The following NPR3 variants were observed in gnomAD, a reference collection of about 807,000 sequenced individuals.
NPR3 encodes the protein natriuretic peptide receptor 3, also known as atrial natriuretic peptide receptor 3.
In NPR3, 34 loss-of-function variants were observed where a neutral mutation model predicts 54.5. The observed-to-expected ratio is 0.62, with a 90% CI of 0.47 to 0.83. The LOEUF (loss-of-function observed/expected upper bound fraction) is 0.83. Among genes scored for constraint, NPR3 ranks in the 40% least tolerant of loss-of-function variants. NPR3 has a pLI of 0.00. For missense variants in NPR3, 674 were observed against 720.8 expected (o/e 0.94, Z 0.74); for synonymous variants, 289 against 297.1 (o/e 0.97, Z 0.28).
At chr5:32,784,177 G>C (rs113791096) in intron 6 of NPR3, among the ~76,000 whole-genome samples, 2,253 of 152,170 alleles carry the variant, frequency 0.015, 59 homozygotes, top group African/African-American at 0.052. Flanking sequence ...TGGTCCATCT[G>C]GTTGTCTTCT....
intron 1 of NPR3, among the ~76,000 whole-genome samples, chr5:32,704,141 T>G (rs904973978): frequency 3.9e-5 from 6 of 152,152 alleles, no homozygotes; most frequent in Admixed American, 6.5e-5. Flanking sequence ...AAGGCAGCAC[T>G]GGGTCCCAGT....
chr5:32,758,958 G>T (rs373821435), intron 3 of NPR3, among the ~76,000 whole-genome samples: 1 of 152,116 alleles, frequency 6.6e-6, no homozygotes, highest in African/African-American at 2.4e-5. Flanking sequence ...ATTGCACTGT[G>T]GTCCGAGAGA....
At chr5:32,692,976 A>G (rs1287181728) in intron 1 of NPR3, among the ~76,000 whole-genome samples, 2 of 152,176 alleles carry the variant, frequency 1.3e-5, no homozygotes, top group Non-Finnish European at 2.9e-5. Flanking sequence ...TAAAAAAATT[A>G]GCCAGGCATG....
At chr5:32,768,864 G>T (rs562176450) in intron 3 of NPR3, among the ~76,000 whole-genome samples, 1 of 152,228 alleles carries the variant, frequency 6.6e-6, no homozygotes. Flanking sequence ...GGGGGAGCAA[G>T]AAGTATGCCA....
At chr5:32,754,356 T>C (rs1462666632) in intron 3 of NPR3, among the ~76,000 whole-genome samples, 1 of 152,070 alleles carries the variant, frequency 6.6e-6, no homozygotes, top group Non-Finnish European at 1.5e-5. Context: ...GGTTTTTTTT[T>C]TCTTTTTTTA....
chr5:32,778,347 A>G (rs1742174949), intron 4 of NPR3, among the ~76,000 whole-genome samples: 1 of 152,220 alleles, frequency 6.6e-6, no homozygotes, highest in African/African-American at 2.4e-5. Flanking sequence ...GGGTAGGCCT[A>G]AAAAGGTCTC....
intron 2 of NPR3, among the ~76,000 whole-genome samples, chr5:32,732,036 T>C (rs1233840941): frequency 1.3e-5 from 2 of 151,600 alleles, no homozygotes; most frequent in East Asian, 1.9e-4. Flanking sequence ...GGTCAGGAGA[T>C]CGAGACCATC....
In NPR3 at chr5:32,712,095, G is replaced by C; in HGVS notation, c.319G>C (p.Asp107His). ...CTTCCAGGTGGCTTACGAGGATTCA[G>C]ACTGTGGGAACCGTGCGCTCTTCAG... is the stretch of plus-strand genomic sequence containing the variant. ...TRFQVAYEDS[D>H]CGNRALFSLV... The change falls in exon 1 of 8, where the codon GAC becomes CAC. Residue 107 changes from aspartate (D) to histidine (H), a missense_variant. Transcript: ENST00000265074. 6.2e-7 allele frequency: 1 copy of C among 1,613,832 alleles called. No homozygotes were observed. The highest frequency in any genetic ancestry group is 8.5e-7 in the Non-Finnish European group (1 of 1,179,814).
intron 2 of NPR3, among the ~76,000 whole-genome samples, chr5:32,728,835 G>GTACATATA (rs1226669792): frequency 1.6e-5 from 1 of 60,634 alleles, no homozygotes; most frequent in Non-Finnish European, 3.1e-5. Flanking sequence ...GTGTGTGTGT[G>GTACATATA]TGTATATATA....
intron 1 of NPR3, among the ~76,000 whole-genome samples, chr5:32,715,222 T>G (rs1057055706): frequency 2.6e-5 from 4 of 152,234 alleles, no homozygotes; most frequent in African/African-American, 4.8e-5. Context: ...CTCTTCAAAC[T>G]GATATTCTCA....
At chr5:32,712,575 C>G in intron 1 of NPR3, 30 bp downstream of exon 1, 1 of 1,497,214 alleles carries the variant, frequency 6.7e-7, no homozygotes, top group Non-Finnish European at 8.9e-7. Context: ...GGGCCCCGGG[C>G]CCTAACCCAA....
chr5:32,694,686 T>C (rs1383960556), intron 1 of NPR3, among the ~76,000 whole-genome samples: 4 of 152,242 alleles, frequency 2.6e-5, no homozygotes, highest in East Asian at 1.9e-4. Context: ...CATTTATCCC[T>C]TTGTTTTATT....
chr5:32,786,448 A>G lies in NPR3; in HGVS notation c.*103A>G. 1 of 652,098 alleles carries G rather than the reference A, an allele frequency of 1.5e-6. No individual in the cohort carries two copies. The highest frequency in any genetic ancestry group is 2.7e-6 in the Non-Finnish European group (1 of 365,196). 40.4% of individuals were successfully genotyped at this position (652,098 alleles called of 1,614,324 possible). The stretch of plus-strand genomic sequence containing the variant: ...GAAGGGGCGTTCTTGAAGAATTCAT[A>G]ATTTTAAGCAGTTAGTAATTTCATT... On this transcript the variant is annotated 3_prime_UTR_variant, in exon 8 of 8. Transcript: ENST00000265074.
At chr5:32,782,802 T>C (rs922772003) in intron 5 of NPR3, 91 bp from the exon 6 acceptor site, 11 of 1,261,292 alleles carry the variant, frequency 8.7e-6, no homozygotes, top group Admixed American at 2.6e-5. Flanking sequence ...TAGATCAGGC[T>C]GTACATTTTG....
At chr5:32,752,134 G>T (rs1308645881) in intron 3 of NPR3, among the ~76,000 whole-genome samples, 7 of 152,136 alleles carry the variant, frequency 4.6e-5, no homozygotes, top group African/African-American at 1.7e-4. Flanking sequence ...AACCCAGGAG[G>T]TGGAGGTTGC....
intron 1 of NPR3, among the ~76,000 whole-genome samples, chr5:32,698,642 T>G (rs990608337): frequency 6.6e-6 from 1 of 152,224 alleles, no homozygotes; most frequent in African/African-American, 2.4e-5. Flanking sequence ...CTTTGCTTTA[T>G]ACATCTGGGT....
intron 2 of NPR3, among the ~76,000 whole-genome samples, chr5:32,734,348 A>G (rs555386152): frequency 1.5e-4 from 23 of 152,296 alleles, no homozygotes; most frequent in African/African-American, 5.1e-4. Context: ...TTCAGGTGAT[A>G]TATATTGAAA....
intron 3 of NPR3, among the ~76,000 whole-genome samples, chr5:32,748,747 T>C (rs2111975618): frequency 6.6e-6 from 1 of 152,228 alleles, no homozygotes; most frequent in South Asian, 2.1e-4. Flanking sequence ...GGGAATGAAA[T>C]AGGCAGACAA....
chr5:32,754,723 A>G (rs371123144), intron 3 of NPR3, among the ~76,000 whole-genome samples: 61 of 152,254 alleles, frequency 4.0e-4, no homozygotes, highest in African/African-American at 1.4e-3. Flanking sequence ...TATTTTTTGT[A>G]TAATAAACAA....
Sources: allele counts gnomAD v4.1 joint callset (sites outside exome capture counted in the v4.1 genomes callset), GRCh38; gene constraint gnomAD v4.1.1; transcripts MANE v1.5; gene names NCBI Gene and HGNC (gene_info 2026-07-23, HGNC 2026-07-21).